The following PROM2 variants were observed in gnomAD, a reference collection of about 807,000 sequenced individuals.
The protein encoded by PROM2 is prominin-2.
In PROM2, 90 loss-of-function variants were observed where a neutral mutation model predicts 110.2. The ratio of observed to expected loss-of-function variants is 0.82; its 90% confidence interval spans 0.69 to 0.97. PROM2 has a LOEUF of 0.97. Among genes scored for constraint, PROM2 ranks in the 50% least tolerant of loss-of-function variants. PROM2 has a pLI of 0.00. For synonymous variants in PROM2, 470 were observed against 467.8 expected, an observed-to-expected ratio of 1.00 and a Z score of -0.06; for missense variants, 1,009 against 1,074.8, an observed-to-expected ratio of 0.94 and a Z score of 0.86.
chr2:95,285,388 T>C (rs1677294917), intron 15 of PROM2, among the ~76,000 whole-genome samples: 1 of 152,226 alleles, frequency 6.6e-6, no homozygotes, highest in African/African-American at 2.4e-5. Context: ...CGAGGACGCA[T>C]TGGGAAGTTG....
At chr2:95,282,479 G>C (rs1049809395) in intron 14 of PROM2, among the ~76,000 whole-genome samples, 3 of 152,212 alleles carry the variant, frequency 2.0e-5, no homozygotes, top group African/African-American at 7.2e-5. Flanking sequence ...AAAGGCTGGT[G>C]ACAGTGAGCA....
chr2:95,281,697 A>C (rs1347688465), intron 12 of PROM2, among the ~76,000 whole-genome samples: 2 of 152,118 alleles, frequency 1.3e-5, no homozygotes, highest in African/African-American at 4.8e-5. Context: ...GGTTCTCTGC[A>C]GAAGATCGGG....
chr2:95,282,302 C>CAAA, intron 14 of PROM2, 76 bp downstream of exon 14: 9 of 1,239,896 alleles, frequency 7.3e-6, no homozygotes, highest in South Asian at 1.3e-5. Flanking sequence ...TCTGTGGAGG[C>CAAA]ACCGTCTCTT....
Position 95,288,467 on chromosome 2 carries a change from T to G in PROM2, c.2335-16T>G. On this transcript the variant is annotated splice_polypyrimidine_tract_variant and intron_variant, in intron 21 of 23. Coordinates refer to ENST00000317620, the MANE Select transcript of PROM2 (RefSeq NM_001165978.3). Reference sequence around the variant, plus strand: ...TGCCACGTGGGTTGGTGAGCCGACCTCACGCCTTGTTGCAGAATGCCTTCT... The same window carrying G: ...TGCCACGTGGGTTGGTGAGCCGACCGCACGCCTTGTTGCAGAATGCCTTCT... 1.2e-6 allele frequency: 2 copies of G among 1,612,506 alleles called. No homozygotes were observed. The highest frequency in any genetic ancestry group is 1.7e-6 in the Non-Finnish European group (2 of 1,178,692).
chr2:95,284,784 G>A (rs1277535348), intron 14 of PROM2, among the ~76,000 whole-genome samples, 185 bp from the exon 15 acceptor site: 12 of 152,182 alleles, frequency 7.9e-5, no homozygotes, highest in East Asian at 3.9e-4. Flanking sequence ...ATCCGCCCCC[G>A]TGATCTAGTA....
rs1485700140 is a variant in PROM2 at position 95,279,026 on chromosome 2, A to G, written c.1156A>G (p.Thr386Ala). 6.8e-6 allele frequency: 11 copies of G among 1,612,294 alleles called. No individual in the cohort carries two copies. In the Admixed American group the frequency reaches 1.2e-4, roughly 17 times the overall value. ...GGCCCAGCAGCCGGAAGGGGTGAGG[A>G]CACTGGCTGAAGGGTTCCCGGGCTT... ...AVAQQPEGVRTLAEGFPGLEA... is the reference protein window; with the variant it reads ...AVAQQPEGVRALAEGFPGLEA... Residue 386 changes from threonine to alanine, a missense_variant, in exon 10 of 24, where the codon ACA becomes GCA. By Grantham distance (58) the Thr-to-Ala change is moderately conservative (BLOSUM62 0). Coordinates refer to ENST00000317620, the MANE Select transcript of PROM2 (RefSeq NM_001165978.3).
chr2:95,287,265 C>A (rs368358562), intron 19 of PROM2, 52 bp downstream of exon 19: 4 of 1,594,406 alleles, frequency 2.5e-6, no homozygotes, highest in African/African-American at 1.3e-5. Flanking sequence ...CTTCTCCAGT[C>A]CCAGCTTCTC....
In PROM2 at chr2:95,276,708, C is replaced by A. The variant is rs1676685740; in HGVS notation, c.682+51C>A. On this transcript the variant is annotated intron_variant, in intron 5 of 23. Transcript: ENST00000317620. The surrounding 1 kb of genome is among the most constrained non-coding windows in gnomAD (Gnocchi z 4.6). The stretch of plus-strand genomic sequence containing the variant: ...GGGCTGGCTCCTTCCAGGGCCCCTG[C>A]TCGGGTGCCTCGGTGGGGGCCTCTC... 1 of 1,584,900 alleles carries A rather than the reference C, an allele frequency of 6.3e-7. No individual in the cohort carries two copies.
chr2:95,286,065 G>A (rs1677340732), intron 16 of PROM2, among the ~76,000 whole-genome samples: 1 of 152,254 alleles, frequency 6.6e-6, no homozygotes, highest in African/African-American at 2.4e-5. Context: ...GCTGGGACAG[G>A]TGCTGTGAGG....
chr2:95,286,948 C>T lies in PROM2; in HGVS notation c.2094+91C>T, dbSNP rs537949206. The T allele has an allele frequency of 1.7e-4, 250 of 1,462,726 alleles. 2 individuals carry two copies. The East Asian group carries it at 5.2e-3, about 30-fold the overall frequency. The allele number at this position is 1,462,726 out of a possible 1,614,324, so 90.6% of individuals were successfully genotyped here. The stretch of plus-strand genomic sequence containing the variant: ...GCCCATCTCACTCTGCACCTCAGAG[C>T]TCTGCCCAGGTTGCAGGTGGGGTTG... On this transcript the variant is annotated intron_variant, in intron 18 of 23. Transcript: ENST00000317620.
At chr2:95,279,227 T>G in intron 10 of PROM2, 83 bp downstream of exon 10, 1 of 1,132,948 alleles carries the variant, frequency 8.8e-7, no homozygotes, top group Non-Finnish European at 1.2e-6. Context: ...TGAGCCCCAT[T>G]CCCAGCCTCT....
At position 95,284,925 on chromosome 2, in the gene PROM2, C is replaced by T. The variant is rs372955103; in HGVS notation, c.1729-44C>T. 24 of 1,582,434 alleles carry T rather than the reference C, an allele frequency of 1.5e-5. No individual in the cohort carries two copies. The African/African-American group carries it at 3.0e-4, about 19-fold the overall frequency. ...TAGGGGAGCATCTCTGGGGTCCTGG[C>T]TCAGCAACTGGGCATGACTCCCACC... On this transcript the variant is annotated intron_variant, in intron 14 of 23. Coordinates refer to ENST00000317620, the MANE Select transcript of PROM2 (RefSeq NM_001165978.3).
In PROM2 at chr2:95,288,241, C is replaced by T; in HGVS notation, c.2275C>T (p.Leu759Phe). The T allele has an allele frequency of 6.2e-7, 1 of 1,614,028 alleles. No homozygotes were observed. ...VTQRIATCQPLSGALDNSRVI... is the reference protein window; with the variant it reads ...VTQRIATCQPFSGALDNSRVI... ...TCAGCGCATTGCCACCTGCCAGCCCCTCTCCGGAGCCCTGGACAACAGCCG... is the reference window on the plus strand; with the variant it reads ...TCAGCGCATTGCCACCTGCCAGCCCTTCTCCGGAGCCCTGGACAACAGCCG... Residue 759 changes from leucine (L) to phenylalanine (F), a missense_variant, in exon 21 of 24, where the codon CTC (leucine) becomes TTC (phenylalanine). Physicochemically the swap from Leu to Phe is conservative, Grantham distance 22. Transcript: ENST00000317620.
intron 18 of PROM2, 76 bp downstream of exon 18, chr2:95,286,933 C>A: frequency 6.6e-7 from 1 of 1,509,266 alleles, no homozygotes; most frequent in Non-Finnish European, 9.2e-7. Flanking sequence ...GCCCATCTCA[C>A]TCTGCACCTC....
chr2:95,281,187 TG>T, intron 11 of PROM2, 54 bp from the exon 12 acceptor site: 1 of 1,591,124 alleles, frequency 6.3e-7, no homozygotes, highest in South Asian at 1.1e-5. Context: ...ACAGAGGGTA[TG>T]GTCAGGGCAG....
In PROM2 at chr2:95,277,418, T is replaced by C. The variant is rs771812681; in HGVS notation, c.827T>C (p.Leu276Pro). 4 of 1,613,208 alleles carry C rather than the reference T, an allele frequency of 2.5e-6. No homozygotes were observed. In the South Asian group the frequency reaches 3.3e-5, roughly 13 times the overall value. ...ACCTTGAATGCTACAGTGGTAGAGCTGCAGGCCGGGCAGCAGGACCTGGAG... is the reference window on the plus strand; with the variant it reads ...ACCTTGAATGCTACAGTGGTAGAGCCGCAGGCCGGGCAGCAGGACCTGGAG... ...LQTLNATVVELQAGQQDLEPA... is the reference protein window; with the variant it reads ...LQTLNATVVEPQAGQQDLEPA... Residue 276 changes from leucine (L) to proline (P), a missense_variant, in exon 7 of 24, where the codon CTG (leucine) becomes CCG (proline). Transcript: ENST00000317620.
intron 22 of PROM2, 122 bp downstream of exon 22, chr2:95,288,711 C>T (rs1677527390): frequency 1.1e-6 from 1 of 885,088 alleles, no homozygotes; most frequent in Non-Finnish European, 1.8e-6. Flanking sequence ...ATGAGCGAGC[C>T]CTGAAGAGCC....
rs1407542721 is a variant in PROM2, at chr2:95,282,140, A to C, written c.1644-2A>C. The stretch of plus-strand genomic sequence containing the variant: ...TCGTCTGCACCCCTCACTCCTCCTC[A>C]GGCAGTGCAAGGAAGGGGCAGCGCT... On this transcript the variant is annotated splice_acceptor_variant, in intron 13 of 23. Transcript: ENST00000317620. LOFTEE classifies it high-confidence loss of function. 1.2e-6 allele frequency: 2 copies of C among 1,611,712 alleles called. No homozygotes were observed. The highest frequency in any genetic ancestry group is 4.5e-5 in the East Asian group (2 of 44,812).
At chr2:95,277,740 G>GT (rs1007369184) in intron 7 of PROM2, 174 bp downstream of exon 7, 2 of 769,848 alleles carry the variant, frequency 2.6e-6, no homozygotes, top group Admixed American at 5.4e-5. Context: ...GCCACGCCCT[G>GT]TACGTGAACT....
Sources: gnomAD v4.1 joint callset for allele counts (sites outside exome capture counted in the v4.1 genomes callset) on GRCh38, gnomAD v4.1.1 for gene constraint, Gnocchi (gnomAD v3.1) non-coding constraint, MANE v1.5 for transcripts, NCBI Gene and HGNC (gene_info 2026-07-23, HGNC 2026-07-21) for gene names.